MCM3AP: variants seen among roughly 807,000 people sequenced by gnomAD.
MCM3AP encodes minichromosome maintenance complex component 3 associated protein.
Under a neutral mutation model 184.1 loss-of-function variants are expected in MCM3AP, and 126 were observed. The observed-to-expected ratio is 0.68, with a 90% CI of 0.59 to 0.79. MCM3AP has a LOEUF of 0.79. MCM3AP is among the 30% of genes least tolerant of loss of function. The pLI, the probability that MCM3AP is intolerant of heterozygous loss-of-function variation, is 0.00. For missense variants in MCM3AP, 2,496 were observed against 2,479.2 expected, an observed-to-expected ratio of 1.01 and a Z score of -0.14; for synonymous variants, 1,002 against 979.3, an observed-to-expected ratio of 1.02 and a Z score of -0.43.
chr21:46,276,113 G>A (rs1357819365), intron 5 of MCM3AP, among the ~76,000 whole-genome samples: 1 of 152,048 alleles, frequency 6.6e-6, no homozygotes, highest in East Asian at 1.9e-4. Flanking sequence ...TTAGCCGGGC[G>A]TGGTGGCGCA....
At chr21:46,261,106 T>TG (rs1367257902) in intron 14 of MCM3AP, among the ~76,000 whole-genome samples, 174 bp downstream of exon 14, 1 of 152,074 alleles carries the variant, frequency 6.6e-6, no homozygotes, top group Non-Finnish European at 1.5e-5. Context: ...CGGGTAGGTG[T>TG]GGCCTGAGGA....
chr21:46,245,742 T>C (rs560731816), intron 22 of MCM3AP, among the ~76,000 whole-genome samples: 5 of 152,274 alleles, frequency 3.3e-5, no homozygotes, highest in Non-Finnish European at 5.9e-5. Context: ...CAAGCAGTCC[T>C]CCTGCTTCAG....
Position 46,256,928 on chromosome 21 carries a change from C to A in MCM3AP, c.3793G>T (p.Ala1265Ser), listed in dbSNP as rs1371154727. The A allele has an allele frequency of 3.1e-6, 5 of 1,612,124 alleles. No individual in the cohort carries two copies. In the South Asian group the frequency reaches 5.5e-5, roughly 18 times the overall value. ...CTCACGTCCACGCAGCAGGGCGCAG[C>A]AGGGAAAGCCCGCATTTGGCGCCTC... ...KLRRQMRAFP[A>S]APCCVDVSDR... The change falls in exon 17 of 28, where the codon GCT (alanine) becomes TCT (serine). Residue 1265 changes from alanine to serine, a missense_variant. Physicochemically the swap from Ala to Ser is moderately conservative, Grantham distance 99. Transcript: ENST00000291688.
intron 20 of MCM3AP, chr21:46,249,888 A>G (rs1454518419): frequency 5.2e-6 from 1 of 192,718 alleles, no homozygotes; most frequent in Non-Finnish European, 1.1e-5. Context: ...GTACCCATAC[A>G]CAGGTGGCAG....
rs371926171 is a variant in MCM3AP, at chr21:46,254,423, C to T, written c.4105G>A (p.Val1369Ile). 6.2e-7 allele frequency: 1 copy of T among 1,614,212 alleles called. No homozygotes were observed. The highest frequency in any genetic ancestry group is 2.2e-5 in the East Asian group (1 of 44,876). ...FWKLVLVLPD[V>I]EEQSPESCGR... ...CAACTCTCTGGGGACTGCTCCTCTA[C>T]ATCCGGCAACACCAGCACCAGCTTC... The change falls in exon 19 of 28, where the codon GTA (valine) becomes ATA (isoleucine). Residue 1369 changes from valine to isoleucine, a missense_variant. Physicochemically the swap from Val to Ile is conservative, Grantham distance 29. Coordinates refer to ENST00000291688, the MANE Select transcript of MCM3AP (RefSeq NM_003906.5).
chr21:46,281,662 A>G (rs1601548259), intron 2 of MCM3AP, among the ~76,000 whole-genome samples: 2 of 152,158 alleles, frequency 1.3e-5, no homozygotes, highest in Non-Finnish European at 2.9e-5. Flanking sequence ...TCTCAAAAAA[A>G]TAAATAAATA....
Position 46,259,045 on chromosome 21 carries a change from C to CA in MCM3AP, c.3627dup (p.Glu1210Ter), listed in dbSNP as rs751079516. 1.2e-6 allele frequency: 2 copies of CA among 1,614,138 alleles called. No individual in the cohort carries two copies. Among genetic ancestry groups the CA allele is most frequent in the South Asian group, 2.2e-5 (2 of 91,076 alleles). On this transcript the variant is annotated frameshift_variant, in exon 16 of 28. Coordinates refer to ENST00000291688, the MANE Select transcript of MCM3AP (RefSeq NM_003906.5). LOFTEE classifies it high-confidence loss of function. Reference sequence around the variant, plus strand: ...TCCACTAAGTGGGCACAGACATCCTCACAGCAACGGGCCACACGGACCCTC... The same window carrying CA: ...TCCACTAAGTGGGCACAGACATCCTCAACAGCAACGGGCCACACGGACCCTC...
At chr21:46,266,624 G>A (rs1390410300) in intron 10 of MCM3AP, 5 of 284,260 alleles carry the variant, frequency 1.8e-5, no homozygotes, top group East Asian at 8.2e-5. Context: ...AGAAGACTCC[G>A]GCTGGCCTGC....
chr21:46,246,598 T>C (rs376016459), intron 21 of MCM3AP, 30 bp downstream of exon 21: 10 of 1,604,784 alleles, frequency 6.2e-6, no homozygotes, highest in Non-Finnish European at 8.5e-6. Flanking sequence ...TAAACAATGC[T>C]GCTTCATAAA....
intron 8 of MCM3AP, 138 bp from the exon 9 acceptor site, chr21:46,270,701 G>A: frequency 2.9e-6 from 2 of 697,728 alleles, no homozygotes; most frequent in Non-Finnish European, 4.7e-6. Context: ...AACGTGGGGA[G>A]GCCAAGGTGG....
At chr21:46,270,641 A>T in intron 8 of MCM3AP, 78 bp from the exon 9 acceptor site, 2 of 1,268,374 alleles carry the variant, frequency 1.6e-6, no homozygotes, top group Non-Finnish European at 2.2e-6. Flanking sequence ...AGATCTGATA[A>T]ATAATAGATT....
rs1486945977 is a variant in MCM3AP, at chr21:46,254,446, T to C, written c.4082A>G (p.Lys1361Arg). The change falls in exon 19 of 28, where the codon AAG (lysine) becomes AGG (arginine). Residue 1361 changes from lysine (K) to arginine (R), a missense_variant. Physicochemically the swap from Lys to Arg is conservative, Grantham distance 26. Transcript: ENST00000291688. ...LPGRQEHVFW[K>R]LVLVLPDVEE... The stretch of plus-strand genomic sequence containing the variant: ...TACATCCGGCAACACCAGCACCAGC[T>C]TCCAAAACACATGCTCCTGCCTCCC... 2 of 1,614,126 alleles carry C rather than the reference T, an allele frequency of 1.2e-6. No individual in the cohort carries two copies. Among genetic ancestry groups the C allele is most frequent in the Non-Finnish European group, 1.7e-6 (2 of 1,180,030 alleles).
chr21:46,244,601 C>T (rs2080731917), intron 23 of MCM3AP: 1 of 601,746 alleles, frequency 1.7e-6, no homozygotes, highest in South Asian at 2.1e-5. Context: ...GCTAACAGCC[C>T]CCACTCCACA....
chr21:46,275,826 T>C (rs963972166), intron 5 of MCM3AP, among the ~76,000 whole-genome samples: 1 of 152,246 alleles, frequency 6.6e-6, no homozygotes. Context: ...AATCATATAA[T>C]GGACGTTAAC....
At chr21:46,280,451 T>A (rs756071661) in intron 3 of MCM3AP, 46 bp downstream of exon 3, 24 of 1,392,378 alleles carry the variant, frequency 1.7e-5, no homozygotes, top group Non-Finnish European at 2.3e-5. Context: ...ATAAAATAAA[T>A]AAAAATAATT....
chr21:46,248,084 C>T (rs1255464093), intron 20 of MCM3AP, among the ~76,000 whole-genome samples: 1 of 152,138 alleles, frequency 6.6e-6, no homozygotes, highest in African/African-American at 2.4e-5. Flanking sequence ...GGATGCCATA[C>T]CTAAAGGCTG....
intron 17 of MCM3AP, among the ~76,000 whole-genome samples, chr21:46,256,307 G>A (rs1205114905): frequency 6.6e-6 from 1 of 152,162 alleles, no homozygotes; most frequent in Non-Finnish European, 1.5e-5. Context: ...CACACCAAGG[G>A]GCCTCAAGAG....
chr21:46,274,143 G>A (rs916025081), intron 6 of MCM3AP, among the ~76,000 whole-genome samples: 5 of 152,368 alleles, frequency 3.3e-5, no homozygotes, highest in Admixed American at 6.5e-5. Context: ...ACAGTGACAC[G>A]AGTTGCTGGG....
intron 19 of MCM3AP, 199 bp from the exon 20 acceptor site, chr21:46,251,881 C>CTTTT (rs754670172): frequency 0.078 from 9,965 of 127,350 alleles, 899 homozygotes; most frequent in African/African-American, 0.16. Flanking sequence ...TGTACTCGTT[C>CTTTT]TTTTTTTTTT....
Sources: gnomAD v4.1 joint callset for allele counts (sites outside exome capture counted in the v4.1 genomes callset) on GRCh38, gnomAD v4.1.1 for gene constraint, MANE v1.5 for transcripts, NCBI Gene and HGNC (gene_info 2026-07-23, HGNC 2026-07-21) for gene names.